Variants in KCTD8 observed in about 807,000 individuals in gnomAD.
KCTD8 encodes BTB/POZ domain-containing protein KCTD8.
In KCTD8, 27 loss-of-function variants were observed where a neutral mutation model predicts 31.5. The ratio of observed to expected loss-of-function variants is 0.86; its 90% CI spans 0.63 to 1.18. KCTD8 has a LOEUF of 1.18. Among genes scored for constraint, KCTD8 ranks in the 50% most tolerant of loss-of-function variants. The pLI is 0.00. For synonymous variants in KCTD8, 290 were observed against 280.0 expected (o/e 1.04, Z -0.36); for missense variants, 658 against 647.7 (o/e 1.02, Z -0.17).
chr4:44,244,352 A>G (rs1715590025), intron 1 of KCTD8, among the ~76,000 whole-genome samples: 1 of 152,124 alleles, frequency 6.6e-6, no homozygotes, highest in African/African-American at 2.4e-5. Flanking sequence ...ATGATACCCC[A>G]AAGTATGGTG....
chr4:44,443,501 A>C (rs1263395321), intron 1 of KCTD8, among the ~76,000 whole-genome samples: 1 of 152,242 alleles, frequency 6.6e-6, no homozygotes, highest in African/African-American at 2.4e-5. Context: ...TGAATTTGAA[A>C]GAGTGGATAT....
Position 44,230,055 on chromosome 4 carries a change from C to A in KCTD8, c.962-54805G>T, listed in dbSNP as rs1208599528. Among the ~76,000 whole-genome samples the A allele has an allele frequency of 6.6e-5, 10 of 151,850 alleles. No homozygotes were observed. In the East Asian group the frequency reaches 1.7e-3, roughly 26 times the overall value. On this transcript the variant is annotated intron_variant, in intron 1 of 1. Coordinates refer to ENST00000360029, the MANE Select transcript of KCTD8 (RefSeq NM_198353.3). Reference sequence around the variant, plus strand: ...TAAGGCCTTATTAAATCAACTTCCACTCCTGCTCTGAAACTTGCCTTGGTC... The same window carrying A: ...TAAGGCCTTATTAAATCAACTTCCAATCCTGCTCTGAAACTTGCCTTGGTC...
intron 1 of KCTD8, among the ~76,000 whole-genome samples, chr4:44,313,581 G>C (rs1026693062): frequency 6.6e-6 from 1 of 152,146 alleles, no homozygotes; most frequent in African/African-American, 2.4e-5. Flanking sequence ...TCAAAAATTA[G>C]TAATTGCCGT....
At chr4:44,295,953 A>G (rs926091007) in intron 1 of KCTD8, among the ~76,000 whole-genome samples, 3 of 152,184 alleles carry the variant, frequency 2.0e-5, no homozygotes, top group Non-Finnish European at 2.9e-5. Context: ...AAAACTTGTA[A>G]GACCCAAGAT....
chr4:44,322,372 A>C (rs548460258), intron 1 of KCTD8, among the ~76,000 whole-genome samples: 12 of 152,008 alleles, frequency 7.9e-5, no homozygotes, highest in African/African-American at 2.7e-4. Context: ...TTTTTCATAC[A>C]CTATTGGCCA....
chr4:44,385,620 T>A (rs1344676889), intron 1 of KCTD8, among the ~76,000 whole-genome samples: 1 of 151,594 alleles, frequency 6.6e-6, no homozygotes, highest in Non-Finnish European at 1.5e-5. Flanking sequence ...TCGGGAAAGC[T>A]TCATGGCACT....
At chr4:44,342,366 C>CAAAAAAA (rs34201696) in intron 1 of KCTD8, among the ~76,000 whole-genome samples, 1 of 87,524 alleles carries the variant, frequency 1.1e-5, no homozygotes, top group Non-Finnish European at 2.3e-5. Flanking sequence ...AAGACTGTCT[C>CAAAAAAA]AAAAAAAAAA....
At chr4:44,281,208 TA>T (rs1460532412) in intron 1 of KCTD8, among the ~76,000 whole-genome samples, 1 of 152,086 alleles carries the variant, frequency 6.6e-6, no homozygotes, top group African/African-American at 2.4e-5. Flanking sequence ...ACTTGTAAAA[TA>T]ATCTCCATTT....
intron 1 of KCTD8, among the ~76,000 whole-genome samples, chr4:44,294,129 G>C (rs910892220): frequency 6.6e-6 from 1 of 152,100 alleles, no homozygotes; most frequent in Non-Finnish European, 1.5e-5. Context: ...CTAAATCATA[G>C]AAATGATTTG....
chr4:44,369,190 C>T (rs371501607), intron 1 of KCTD8, among the ~76,000 whole-genome samples: 3 of 152,304 alleles, frequency 2.0e-5, no homozygotes, highest in African/African-American at 7.2e-5. Context: ...TCATTCGGCA[C>T]AGTCTTCTGT....
At chr4:44,296,295 T>C (rs1577599521) in intron 1 of KCTD8, among the ~76,000 whole-genome samples, 1 of 151,382 alleles carries the variant, frequency 6.6e-6, no homozygotes, top group African/African-American at 2.5e-5. Flanking sequence ...ACTGAATTCC[T>C]TTCTAGCCAA....
At chr4:44,371,935 G>T (rs1405975695) in intron 1 of KCTD8, among the ~76,000 whole-genome samples, 1 of 151,914 alleles carries the variant, frequency 6.6e-6, no homozygotes, top group Non-Finnish European at 1.5e-5. Context: ...CTCAATCTCT[G>T]CTCTACATAA....
chr4:44,278,326 C>T (rs572765212), intron 1 of KCTD8, among the ~76,000 whole-genome samples: 9 of 152,110 alleles, frequency 5.9e-5, no homozygotes, highest in African/African-American at 2.2e-4. Context: ...GTCAGGGTTT[C>T]TTGCTTTTTT....
intron 1 of KCTD8, among the ~76,000 whole-genome samples, chr4:44,428,615 T>G (rs1405769456): frequency 6.6e-6 from 1 of 151,824 alleles, no homozygotes; most frequent in African/African-American, 2.4e-5. Flanking sequence ...GTAAAACAAA[T>G]GTCAGAGTAT....
At chr4:44,427,924 AAAAAT>A (rs1372293658) in intron 1 of KCTD8, among the ~76,000 whole-genome samples, 2 of 151,780 alleles carry the variant, frequency 1.3e-5, no homozygotes, top group Admixed American at 1.3e-4. Flanking sequence ...CCTTAATATG[AAAAAT>A]AAAACTATGA....
intron 1 of KCTD8, among the ~76,000 whole-genome samples, chr4:44,444,187 A>G (rs1362277031): frequency 6.6e-6 from 1 of 152,202 alleles, no homozygotes; most frequent in Non-Finnish European, 1.5e-5. Flanking sequence ...ACTTAAGGAG[A>G]TATGAATCTA....
chr4:44,335,618 G>A (rs1385795781), intron 1 of KCTD8, among the ~76,000 whole-genome samples: 1 of 152,082 alleles, frequency 6.6e-6, no homozygotes, highest in Non-Finnish European at 1.5e-5. Flanking sequence ...GCTACAAAAT[G>A]ACAGTTTTCT....
At chr4:44,429,146 G>A (rs924083035) in intron 1 of KCTD8, among the ~76,000 whole-genome samples, 5 of 151,572 alleles carry the variant, frequency 3.3e-5, no homozygotes, top group African/African-American at 7.3e-5. Flanking sequence ...GAGCCAAAGC[G>A]ATAAGCAGTG....
intron 1 of KCTD8, among the ~76,000 whole-genome samples, chr4:44,304,951 T>C (rs1717756721): frequency 6.6e-6 from 1 of 150,906 alleles, no homozygotes; most frequent in African/African-American, 2.4e-5. Context: ...CAGAACTAGA[T>C]CCTGTCTAGA....
Sources: allele counts gnomAD v4.1 joint callset (sites outside exome capture counted in the v4.1 genomes callset), GRCh38; gene constraint gnomAD v4.1.1; transcripts MANE v1.5; gene names NCBI Gene and HGNC (gene_info 2026-07-23, HGNC 2026-07-21).